The following BSPRY variants were observed in gnomAD, a reference collection of about 807,000 sequenced individuals.
The protein encoded by BSPRY is B-box and SPRY domain containing.
BSPRY carries 33 observed loss-of-function variants against 38.0 expected under a neutral mutation model. The ratio of observed to expected loss-of-function variants is 0.87; its 90% confidence interval spans 0.66 to 1.16. The LOEUF (loss-of-function observed/expected upper bound fraction) is 1.16, where lower values mean the gene tolerates loss of function less well. Ranked by LOEUF, BSPRY falls within the 50% of genes most tolerant of loss-of-function variation. BSPRY has a pLI of 0.00. For missense variants in BSPRY, 523 were observed against 533.2 expected (o/e 0.98, Z 0.19); for synonymous variants, 224 against 228.5 (o/e 0.98, Z 0.18).
intron 1 of BSPRY, among the ~76,000 whole-genome samples, chr9:113,353,826 C>A (rs1049217737): frequency 2.0e-5 from 3 of 152,148 alleles, no homozygotes; most frequent in African/African-American, 7.2e-5. Flanking sequence ...TATAATGATT[C>A]TAATCTTAAA....
Position 113,369,790 on chromosome 9 carries a change from A to G in BSPRY, c.857A>G (p.His286Arg), listed in dbSNP as rs747334548. The change falls in exon 6 of 6, where the codon CAT (histidine) becomes CGT (arginine). Residue 286 changes from histidine to arginine, a missense_variant. Coordinates refer to ENST00000374183, the MANE Select transcript of BSPRY (RefSeq NM_017688.3). Reference sequence around the variant, plus strand: ...GCCACCTCCTTCCAGAATGGGCTCCATGCCTGGATGGTGAATGTCCAGAAC... The same window carrying G: ...GCCACCTCCTTCCAGAATGGGCTCCGTGCCTGGATGGTGAATGTCCAGAAC... ...LAATSFQNGL[H>R]AWMVNVQNSC... 150 of 1,614,094 alleles carry G rather than the reference A, an allele frequency of 9.3e-5. No homozygotes were observed. The highest frequency in any genetic ancestry group is 1.2e-4 in the Non-Finnish European group (140 of 1,180,042).
intron 4 of BSPRY, among the ~76,000 whole-genome samples, chr9:113,366,196 G>A (rs941293416): frequency 6.6e-6 from 1 of 152,106 alleles, no homozygotes; most frequent in Non-Finnish European, 1.5e-5. Context: ...ATTTTACAGT[G>A]AGGACTCCAG....
intron 2 of BSPRY, among the ~76,000 whole-genome samples, chr9:113,359,053 A>G (rs72760059): frequency 1.9e-4 from 9 of 46,822 alleles, no homozygotes; most frequent in African/African-American, 3.2e-4. Context: ...GAAAAGAAAA[A>G]AAAAAGATAA....
chr9:113,349,765 C>A lies in BSPRY; in HGVS notation c.186C>A (p.Arg62=). The change falls in exon 1 of 6, where the codon CGC becomes CGA. Residue 62 remains arginine (R), a synonymous_variant. Coordinates refer to ENST00000374183, the MANE Select transcript of BSPRY (RefSeq NM_017688.3). The stretch of plus-strand genomic sequence containing the variant: ...ACCGCATCCGCCGGGCGGAGGAGCG[C>A]GCCGAGGAGCTGCGGGTGAGCGGGT... ...RGHRIRRAEE[R]AEELRNKIVD... 8.1e-7 allele frequency: 1 copy of A among 1,234,602 alleles called. No homozygotes were observed. The highest frequency in any genetic ancestry group is 1.0e-6 in the Non-Finnish European group (1 of 989,598). 76.5% of individuals were successfully genotyped at this position (1,234,602 alleles called of 1,614,324 possible).
intron 2 of BSPRY, among the ~76,000 whole-genome samples, chr9:113,356,013 G>T (rs1205795069): frequency 6.6e-6 from 1 of 152,164 alleles, no homozygotes; most frequent in Non-Finnish European, 1.5e-5. Context: ...AGATACTGTT[G>T]TTCAATGGGT....
chr9:113,351,198 G>A (rs1042585794), intron 1 of BSPRY, among the ~76,000 whole-genome samples: 1 of 152,080 alleles, frequency 6.6e-6, no homozygotes, highest in South Asian at 2.1e-4. Context: ...TGCTAGTTTC[G>A]GTACTACCCT....
intron 4 of BSPRY, among the ~76,000 whole-genome samples, chr9:113,362,962 G>A (rs548285077): frequency 3.3e-5 from 5 of 152,372 alleles, no homozygotes; most frequent in Admixed American, 3.3e-4. Context: ...TTGCCAGGCA[G>A]AGTAATTCAC....
At chr9:113,367,156 A>AATCT (rs1834265949) in intron 4 of BSPRY, among the ~76,000 whole-genome samples, 1 of 152,182 alleles carries the variant, frequency 6.6e-6, no homozygotes, top group Non-Finnish European at 1.5e-5. Context: ...GCATGACTTG[A>AATCT]ATCTAGCTCC....
intron 3 of BSPRY, among the ~76,000 whole-genome samples, 195 bp from the exon 4 acceptor site, chr9:113,362,174 G>GGT (rs10600721): frequency 0.094 from 13,276 of 141,202 alleles, 605 homozygotes; most frequent in Admixed American, 0.14. Context: ...ATGTGTTATG[G>GGT]GTGTGTGTGT....
At chr9:113,353,634 T>C (rs1027855133) in intron 1 of BSPRY, among the ~76,000 whole-genome samples, 36 of 151,530 alleles carry the variant, frequency 2.4e-4, no homozygotes, top group Middle Eastern at 3.4e-3. Flanking sequence ...ACCTGGGAGG[T>C]GGAAGTTGCA....
At chr9:113,353,948 G>T (rs1014534671) in intron 1 of BSPRY, among the ~76,000 whole-genome samples, 3 of 152,186 alleles carry the variant, frequency 2.0e-5, no homozygotes, top group African/African-American at 2.4e-5. Context: ...GTCACAGAAG[G>T]GGATGATGGA....
intron 4 of BSPRY, among the ~76,000 whole-genome samples, chr9:113,365,267 T>C (rs1834229609): frequency 7.0e-6 from 1 of 142,798 alleles, no homozygotes; most frequent in African/African-American, 2.5e-5. Context: ...CCCTTCAGAC[T>C]TTCTCCCAAT....
intron 2 of BSPRY, among the ~76,000 whole-genome samples, chr9:113,355,717 C>T (rs1169726372): frequency 1.3e-5 from 2 of 151,744 alleles, no homozygotes; most frequent in South Asian, 2.1e-4. Flanking sequence ...TGGGTTCGAG[C>T]GATTCTCCTG....
At position 113,369,887 on chromosome 9, in the gene BSPRY, G is replaced by A. The variant is rs766501173; in HGVS notation, c.954G>A (p.Leu318=). The A allele has an allele frequency of 1.2e-6, 2 of 1,614,254 alleles. No homozygotes were observed. Among genetic ancestry groups the A allele is most frequent in the Non-Finnish European group, 1.7e-6 (2 of 1,180,044 alleles). ...AGGGTTCTGGCAGTGACTGCCGTCT[G>A]GGCCACAATGCCTTCTCCTGGGTCT... ...PRKGSGSDCR[L]GHNAFSWVFS... Residue 318 remains leucine (L), a synonymous_variant, in exon 6 of 6, where the codon CTG becomes CTA. Transcript: ENST00000374183.
chr9:113,360,608 C>T lies in BSPRY; in HGVS notation c.402C>T (p.Gly134=), dbSNP rs751601032. The T allele has an allele frequency of 9.3e-6, 15 of 1,608,292 alleles. No homozygotes were observed. Among genetic ancestry groups the T allele is most frequent in the East Asian group, 4.5e-5 (2 of 44,766 alleles). ...EEQRLLEQVH[G]EEERAHQSIL... is the part of the protein sequence containing the mutation. The stretch of plus-strand genomic sequence containing the variant: ...AGCGGTTACTGGAACAGGTGCATGG[C>T]GAAGAGGAGCGGGCCCACCAGAGCA... Residue 134 remains glycine, a synonymous_variant, in exon 3 of 6, where the codon GGC becomes GGT. Coordinates refer to ENST00000374183, the MANE Select transcript of BSPRY (RefSeq NM_017688.3).
chr9:113,366,889 T>C lies in BSPRY; in HGVS notation c.558-1370T>C, dbSNP rs187301707. On this transcript the variant is annotated intron_variant, in intron 4 of 5. Coordinates refer to ENST00000374183, the MANE Select transcript of BSPRY (RefSeq NM_017688.3). ...GCACATGCCCCACCCCTGTGCCCAC[T>C]CCATTTATGCACAGAGCCATGAGAT... is the stretch of plus-strand genomic sequence containing the variant. 1.1e-4 allele frequency among the ~76,000 whole-genome samples: 16 copies of C among 152,288 alleles called. No homozygotes were observed. In the East Asian group the frequency reaches 2.9e-3, roughly 28 times the overall value.
chr9:113,352,406 A>C (rs1259373634), intron 1 of BSPRY, among the ~76,000 whole-genome samples: 1 of 152,034 alleles, frequency 6.6e-6, no homozygotes, highest in East Asian at 1.9e-4. Context: ...GCAAAGTAAG[A>C]GATTGGGTGA....
At chr9:113,356,518 GA>G (rs781490710) in intron 2 of BSPRY, among the ~76,000 whole-genome samples, 1 of 151,154 alleles carries the variant, frequency 6.6e-6, no homozygotes, top group Non-Finnish European at 1.5e-5. Context: ...AAAAAAGAAA[GA>G]AACACTTTGG....
intron 2 of BSPRY, among the ~76,000 whole-genome samples, chr9:113,355,781 A>AT (rs201160250): frequency 0.072 from 10,913 of 151,614 alleles, 926 homozygotes; most frequent in African/African-American, 0.2. Context: ...CACCCAGCTA[A>AT]TTTTTTGTAT....
Sources: allele counts gnomAD v4.1 joint callset (sites outside exome capture counted in the v4.1 genomes callset), GRCh38; gene constraint gnomAD v4.1.1; transcripts MANE v1.5; gene names NCBI Gene and HGNC (gene_info 2026-07-23, HGNC 2026-07-21).